RTTN: variants seen among roughly 807,000 people sequenced by gnomAD.
The protein encoded by RTTN is rotatin.
RTTN carries 182 observed loss-of-function variants against 269.2 expected under a neutral mutation model. The ratio of observed to expected loss-of-function variants is 0.68; its 90% CI spans 0.60 to 0.76. The LOEUF (loss-of-function observed/expected upper bound fraction) is 0.76. Ranked by LOEUF, RTTN falls within the 30% of genes least tolerant of loss-of-function variation. The pLI, the probability that RTTN is intolerant of heterozygous loss-of-function variation, is 0.00. For synonymous variants in RTTN, 1,006 were observed against 963.5 expected (o/e 1.04, Z -0.82); for missense variants, 2,545 against 2,608.6 (o/e 0.98, Z 0.53).
chr18:70,109,484 C>A lies in RTTN; in HGVS notation c.3903+14G>T. ...ACTAATAGTAAATAACTACCATATG[C>A]TATTTTTACTTACCTCAAGGAGACC... On this transcript the variant is annotated intron_variant, in intron 28 of 48. Transcript: ENST00000640769. 6.2e-7 allele frequency: 1 copy of A among 1,600,770 alleles called. No individual in the cohort carries two copies. Among genetic ancestry groups the A allele is most frequent in the South Asian group, 1.1e-5 (1 of 90,800 alleles).
chr18:70,036,760 T>C (rs1268123819), intron 40 of RTTN, among the ~76,000 whole-genome samples: 1 of 152,020 alleles, frequency 6.6e-6, no homozygotes, highest in South Asian at 2.1e-4. Context: ...CTGTCTGTCC[T>C]CCCCCAACAG....
At chr18:70,145,844 G>GCTTATAATTA in intron 17 of RTTN, 61 bp from the exon 18 acceptor site, 1 of 1,305,090 alleles carries the variant, frequency 7.7e-7, no homozygotes, top group Non-Finnish European at 1.1e-6. Flanking sequence ...TTTTAAAAGG[G>GCTTATAATTA]CTTGTAATTA....
intron 28 of RTTN, among the ~76,000 whole-genome samples, chr18:70,105,100 A>G (rs551653406): frequency 6.6e-6 from 1 of 152,262 alleles, no homozygotes; most frequent in South Asian, 2.1e-4. Context: ...CCAGAAGTGG[A>G]GTCTACAGAG....
At chr18:70,038,412 G>T (rs571591549) in intron 40 of RTTN, among the ~76,000 whole-genome samples, 2 of 152,306 alleles carry the variant, frequency 1.3e-5, no homozygotes, top group African/African-American at 4.8e-5. Flanking sequence ...TCAGTATATA[G>T]AGAGAGACTC....
intron 40 of RTTN, among the ~76,000 whole-genome samples, chr18:70,033,858 A>AT (rs1555698711): frequency 1.3e-5 from 2 of 151,364 alleles, no homozygotes; most frequent in East Asian, 1.9e-4. Flanking sequence ...GATCCAAATA[A>AT]ACATAATGAG....
intron 28 of RTTN, among the ~76,000 whole-genome samples, chr18:70,098,780 C>T (rs140687073): frequency 6.6e-6 from 1 of 152,240 alleles, no homozygotes; most frequent in African/African-American, 2.4e-5. Flanking sequence ...TCTCCTGATG[C>T]TATCCCTCCA....
At chr18:70,139,991 A>G in intron 20 of RTTN, 109 bp downstream of exon 20, 1 of 760,186 alleles carries the variant, frequency 1.3e-6, no homozygotes, top group Non-Finnish European at 2.2e-6. Context: ...AGGAGGTGTT[A>G]CTTAGAATTT....
intron 40 of RTTN, among the ~76,000 whole-genome samples, chr18:70,043,235 G>A (rs949970313): frequency 4.6e-5 from 7 of 152,194 alleles, no homozygotes; most frequent in African/African-American, 1.2e-4. Flanking sequence ...AAGTCAGCAC[G>A]TTTTAAAATA....
At chr18:70,065,994 A>C in intron 34 of RTTN, 72 bp from the exon 35 acceptor site, 1 of 1,048,126 alleles carries the variant, frequency 9.5e-7, no homozygotes, top group Non-Finnish European at 1.4e-6. Flanking sequence ...ACATACACAC[A>C]AGATATCCTT....
At chr18:70,140,680 T>G (rs2145718871) in intron 19 of RTTN, among the ~76,000 whole-genome samples, 1 of 152,102 alleles carries the variant, frequency 6.6e-6, no homozygotes, top group South Asian at 2.1e-4. Context: ...GGAACAAGAT[T>G]ATAATACACT....
chr18:70,173,524 T>G (rs1286296381), intron 11 of RTTN, among the ~76,000 whole-genome samples: 1 of 151,256 alleles, frequency 6.6e-6, no homozygotes, highest in Non-Finnish European at 1.5e-5. Flanking sequence ...AAATAGAGTT[T>G]GGACTATATG....
intron 34 of RTTN, among the ~76,000 whole-genome samples, chr18:70,066,479 T>TAA (rs2058138244): frequency 6.6e-6 from 1 of 152,194 alleles, no homozygotes; most frequent in African/African-American, 2.4e-5. Flanking sequence ...AAGTACAATT[T>TAA]CACCTACAGG....
At position 70,205,631 on chromosome 18, in the gene RTTN, G is replaced by C; in HGVS notation, c.28C>G (p.Leu10Val). 6.2e-7 allele frequency: 1 copy of C among 1,614,176 alleles called. No homozygotes were observed. Among genetic ancestry groups the C allele is most frequent in the Non-Finnish European group, 8.5e-7 (1 of 1,180,046 alleles). The stretch of plus-strand genomic sequence containing the variant: ...CGAGGGGCAAGCTGACAGTTACCGA[G>C]TTTCCTGATGAGCCCTGCCAGGACC... The part of the protein sequence containing the change: MVLAGLIRK[L>V]GHQLAEIRER... The change falls in exon 1 of 49, where the codon CTC (leucine) becomes GTC (valine). Residue 10 changes from leucine (L) to valine (V), a missense_variant. Physicochemically the swap from Leu to Val is conservative, Grantham distance 32. Coordinates refer to ENST00000640769, the MANE Select transcript of RTTN (RefSeq NM_173630.4).
intron 17 of RTTN, among the ~76,000 whole-genome samples, chr18:70,147,149 A>G (rs564044134): frequency 2.0e-5 from 3 of 152,322 alleles, no homozygotes; most frequent in African/African-American, 7.2e-5. Context: ...AGGATGCCAG[A>G]ATCCAGTTAT....
intron 34 of RTTN, among the ~76,000 whole-genome samples, chr18:70,067,088 TAAACAAACATC>T (rs557481792): frequency 1.0e-3 from 158 of 151,494 alleles, no homozygotes; most frequent in African/African-American, 3.7e-3. Context: ...AAGTCAATCA[TAAACAAACATC>T]AAATGCCTTA....
intron 11 of RTTN, among the ~76,000 whole-genome samples, chr18:70,175,190 T>C (rs1826503759): frequency 6.6e-6 from 1 of 151,946 alleles, no homozygotes; most frequent in South Asian, 2.1e-4. Flanking sequence ...GTTTTTTAAA[T>C]GAACATTTTA....
At chr18:70,175,929 C>T (rs766949563) in intron 11 of RTTN, among the ~76,000 whole-genome samples, 9 of 152,038 alleles carry the variant, frequency 5.9e-5, no homozygotes, top group Non-Finnish European at 8.8e-5. Flanking sequence ...TCTGACAACA[C>T]GTACCTAGCT....
At chr18:70,203,131 T>A (rs1056301035) in intron 3 of RTTN, among the ~76,000 whole-genome samples, 1 of 152,220 alleles carries the variant, frequency 6.6e-6, no homozygotes, top group African/African-American at 2.4e-5. Context: ...ATTTCATACA[T>A]GCTGGGCCCT....
Position 70,085,110 on chromosome 18 carries a change from A to T in RTTN, c.4374+1503T>A, listed in dbSNP as rs568516435. Among the ~76,000 whole-genome samples, 4 of 152,312 alleles carry T rather than the reference A, an allele frequency of 2.6e-5. No homozygotes were observed. The East Asian group carries it at 7.7e-4, about 29-fold the overall frequency. On this transcript the variant is annotated intron_variant, in intron 32 of 48. Transcript: ENST00000640769. ...CACTAGTTTAACAATGGGAGTAGAG[A>T]TTATTTGTATTTGAGCCAAAAACAA...
Sources: gnomAD v4.1 joint callset for allele counts (sites outside exome capture counted in the v4.1 genomes callset) on GRCh38, gnomAD v4.1.1 for gene constraint, MANE v1.5 for transcripts, NCBI Gene and HGNC (gene_info 2026-07-23, HGNC 2026-07-21) for gene names.